Variants in TRIM66 observed in about 807,000 individuals in gnomAD.
The protein encoded by TRIM66 is tripartite motif containing 66, also known as tripartite motif-containing protein 66.
A neutral mutation model predicts 148.2 loss-of-function variants in TRIM66; 99 were observed. The observed-to-expected ratio is 0.67, with a 90% CI of 0.57 to 0.79. TRIM66 has a LOEUF of 0.79. Ranked by LOEUF, TRIM66 falls within the 30% of genes least tolerant of loss-of-function variation. The pLI is 0.00. For synonymous variants in TRIM66, 616 were observed against 635.9 expected (o/e 0.97, Z 0.47); for missense variants, 1,666 against 1,697.9 (o/e 0.98, Z 0.33).
intron 1 of TRIM66, among the ~76,000 whole-genome samples, chr11:8,682,182 T>C (rs1055987781): frequency 2.6e-5 from 4 of 152,168 alleles, no homozygotes; most frequent in Non-Finnish European, 4.4e-5. Flanking sequence ...AACCAAATGA[T>C]AGCAAAAGGG....
intron 6 of TRIM66, among the ~76,000 whole-genome samples, chr11:8,670,125 G>A (rs1380355283): frequency 6.6e-5 from 10 of 151,112 alleles, no homozygotes; most frequent in Admixed American, 6.0e-4. Flanking sequence ...TGATTCTCAT[G>A]CCTCAGCCTC....
intron 6 of TRIM66, among the ~76,000 whole-genome samples, chr11:8,660,962 A>C (rs2038209894): frequency 6.6e-6 from 1 of 152,256 alleles, no homozygotes; most frequent in Non-Finnish European, 1.5e-5. Flanking sequence ...GTTTGGGACC[A>C]GATTATGAAA....
At chr11:8,635,583 A>C (rs189606696) in intron 15 of TRIM66, among the ~76,000 whole-genome samples, 8 of 152,322 alleles carry the variant, frequency 5.3e-5, no homozygotes, top group African/African-American at 1.7e-4. Context: ...CTAAGCCAGG[A>C]TGACAAACTT....
Position 8,673,691 on chromosome 11 carries a change from A to T in TRIM66, c.-112+1115T>A, listed in dbSNP as rs1044127684. Among the ~76,000 whole-genome samples, 4 of 152,242 alleles carry T rather than the reference A, an allele frequency of 2.6e-5. No homozygotes were observed. The East Asian group carries it at 7.7e-4, about 29-fold the overall frequency. On this transcript the variant is annotated intron_variant, in intron 4 of 24. Coordinates refer to ENST00000646038, the MANE Select transcript of TRIM66 (RefSeq NM_001388022.1). ...AACATCACATACATGTGAAATTAAT[A>T]TTATTAATTTGATGGCTTTGTAGTT...
intron 22 of TRIM66, among the ~76,000 whole-genome samples, 175 bp downstream of exon 22, chr11:8,619,875 G>A (rs1233332605): frequency 2.6e-5 from 4 of 152,364 alleles, no homozygotes; most frequent in African/African-American, 4.8e-5. Flanking sequence ...GAACCACCAC[G>A]CTCCTGCCCC....
At chr11:8,648,693 T>G in intron 8 of TRIM66, 145 bp from the exon 9 acceptor site, 1 of 1,019,538 alleles carries the variant, frequency 9.8e-7, no homozygotes, top group Non-Finnish European at 1.4e-6. Context: ...GAGATGACTC[T>G]CCAGGGGCAC....
In TRIM66 at chr11:8,620,592, C is replaced by A; in HGVS notation, c.3546-20G>T. On this transcript the variant is annotated intron_variant, in intron 20 of 24. Transcript: ENST00000646038. The stretch of plus-strand genomic sequence containing the variant: ...TCTCCCCTGCAGGGGCAGGTGAGGC[C>A]ATGTTAGGCCTCAGCACATTGCCCA... 6.4e-7 allele frequency: 1 copy of A among 1,550,974 alleles called. No homozygotes were observed. Among genetic ancestry groups the A allele is most frequent in the Non-Finnish European group, 8.7e-7 (1 of 1,146,660 alleles).
At chr11:8,649,718 C>T (rs1198959804) in intron 8 of TRIM66, 22 bp downstream of exon 8, 1 of 1,549,976 alleles carries the variant, frequency 6.5e-7, no homozygotes, top group Admixed American at 2.0e-5. Flanking sequence ...TGGGAGTGGG[C>T]AGGGAGAGGT....
chr11:8,649,708 T>C (rs1205737833), intron 8 of TRIM66, 32 bp downstream of exon 8: 6 of 1,542,102 alleles, frequency 3.9e-6, no homozygotes, highest in Non-Finnish European at 5.2e-6. Flanking sequence ...CTTTAGGGCA[T>C]GGGAGTGGGC....
chr11:8,655,853 C>T (rs1247867594), intron 6 of TRIM66, among the ~76,000 whole-genome samples: 1 of 151,858 alleles, frequency 6.6e-6, no homozygotes. Context: ...AAGGAACAGA[C>T]AGCCAAATGG....
intron 19 of TRIM66, 147 bp downstream of exon 19, chr11:8,621,498 A>T (rs1044337571): frequency 3.1e-6 from 4 of 1,275,806 alleles, no homozygotes; most frequent in Non-Finnish European, 3.2e-6. Flanking sequence ...ATCTCACAGG[A>T]CCTTGCAGCA....
intron 6 of TRIM66, 113 bp from the exon 7 acceptor site, chr11:8,652,016 TG>T: frequency 2.5e-6 from 2 of 811,092 alleles, no homozygotes; most frequent in South Asian, 3.7e-5. Flanking sequence ...TACCCATGTG[TG>T]CCAAAATGAA....
chr11:8,658,339 G>A (rs895923282), intron 6 of TRIM66, among the ~76,000 whole-genome samples: 39 of 152,178 alleles, frequency 2.6e-4, no homozygotes, highest in African/African-American at 8.4e-4. Context: ...GGAAGAAAAC[G>A]ACATTTTCAA....
Position 8,646,564 on chromosome 11 carries a change from GTAAA to G in TRIM66, c.843-7_843-4del, listed in dbSNP as rs2036863889. 1.3e-6 allele frequency: 2 copies of G among 1,549,450 alleles called. No homozygotes were observed. The highest frequency in any genetic ancestry group is 2.7e-5 in the African/African-American group (2 of 73,090). On this transcript the variant is annotated splice_polypyrimidine_tract_variant and splice_region_variant and intron_variant, in intron 10 of 24. Transcript: ENST00000646038. ...GCTGATGCTTCACTTCAAAAATCCT[GTAAA>G]CACAATGGGACAAACCATGGTAAGC...
chr11:8,664,492 T>A (rs1316003054), intron 6 of TRIM66, among the ~76,000 whole-genome samples: 1 of 152,124 alleles, frequency 6.6e-6, no homozygotes, highest in African/African-American at 2.4e-5. Flanking sequence ...TCTATAAATA[T>A]CCCAATCCTC....
intron 6 of TRIM66, among the ~76,000 whole-genome samples, chr11:8,655,138 G>A (rs1329866837): frequency 6.6e-6 from 1 of 152,154 alleles, no homozygotes; most frequent in East Asian, 1.9e-4. Flanking sequence ...GGGATTACAG[G>A]CATGAGCCAC....
intron 15 of TRIM66, 75 bp downstream of exon 15, chr11:8,638,579 C>T: frequency 6.7e-7 from 1 of 1,484,720 alleles, no homozygotes; most frequent in Non-Finnish European, 9.1e-7. Flanking sequence ...CCACCCTATC[C>T]TCCTCCTCCA....
At chr11:8,675,770 C>T (rs868476774) in intron 3 of TRIM66, among the ~76,000 whole-genome samples, 1 of 151,846 alleles carries the variant, frequency 6.6e-6, no homozygotes, top group Admixed American at 6.6e-5. Flanking sequence ...GAGAGAGTCT[C>T]GCTCTGTCGT....
At chr11:8,659,776 C>T (rs1168422450) in intron 6 of TRIM66, among the ~76,000 whole-genome samples, 1 of 152,182 alleles carries the variant, frequency 6.6e-6, no homozygotes, top group Admixed American at 6.5e-5. Flanking sequence ...GAACCAATGG[C>T]CTGGACAGCT....
Sources: allele counts gnomAD v4.1 joint callset (sites outside exome capture counted in the v4.1 genomes callset), GRCh38; gene constraint gnomAD v4.1.1; transcripts MANE v1.5; gene names NCBI Gene and HGNC (gene_info 2026-07-23, HGNC 2026-07-21).